DOCK10: variants seen among roughly 807,000 people sequenced by gnomAD.
DOCK10 encodes the protein dedicator of cytokinesis 10.
Under a neutral mutation model 280.1 loss-of-function variants are expected in DOCK10, and 145 were observed. The ratio of observed to expected loss-of-function variants is 0.52; its 90% CI spans 0.45 to 0.59. The LOEUF (loss-of-function observed/expected upper bound fraction) is 0.59, where lower values mean the gene tolerates loss of function less well. DOCK10 is among the 20% of genes least tolerant of loss of function. The pLI is 0.00. For missense variants in DOCK10, 2,368 were observed against 2,651.7 expected (o/e 0.89, Z 2.35); for synonymous variants, 915 against 942.2 (o/e 0.97, Z 0.53).
chr2:224,961,408 CTT>C (rs1559873054), intron 1 of DOCK10, among the ~76,000 whole-genome samples: 1 of 107,958 alleles, frequency 9.3e-6, no homozygotes, highest in Admixed American at 9.9e-5. Flanking sequence ...TTCTTTCTTT[CTT>C]TCTCTTTCTT....
intron 4 of DOCK10, among the ~76,000 whole-genome samples, chr2:224,889,955 A>G (rs575788542): frequency 1.3e-5 from 2 of 152,368 alleles, no homozygotes; most frequent in Non-Finnish European, 1.5e-5. Flanking sequence ...TGCAGAGAAC[A>G]GAAGATGAGT....
chr2:224,874,899 T>A (rs1698525964), intron 8 of DOCK10, 148 bp from the exon 9 acceptor site: 2 of 667,252 alleles, frequency 3.0e-6, no homozygotes, highest in African/African-American at 3.6e-5. Flanking sequence ...ACTCCTGAAC[T>A]CCACATTGTT....
At position 224,793,418 on chromosome 2, in the gene DOCK10, C is replaced by T. The variant is rs777581178; in HGVS notation, c.5194G>A (p.Glu1732Lys). Residue 1732 changes from glutamate (E) to lysine (K), a missense_variant, in exon 46 of 56, where the codon GAG (glutamate) becomes AAG (lysine). Glu to Lys is a moderately conservative substitution (Grantham distance 56). Around this residue, in one of 2 missense-constraint regions of DOCK10, gnomAD observed 1,159 missense variants for 1,400.8 expected, o/e 0.83. Coordinates refer to ENST00000258390, the MANE Select transcript of DOCK10 (RefSeq NM_014689.3). The part of the protein sequence containing the change: ...CYIHIAALIA[E>K]YLKRKGYWKV... Reference sequence around the variant, plus strand: ...ATCTTACCCTTTCTTTTCAGATACTCTGCAATGAGAGCAGCAATATGGATG... The same window carrying T: ...ATCTTACCCTTTCTTTTCAGATACTTTGCAATGAGAGCAGCAATATGGATG... The T allele has an allele frequency of 1.4e-5, 23 of 1,613,388 alleles. No individual in the cohort carries two copies. Among genetic ancestry groups the T allele is most frequent in the Admixed American group, 3.3e-5 (2 of 59,980 alleles).
At position 224,886,192 on chromosome 2, in the gene DOCK10, G is replaced by T; in HGVS notation, c.490-7C>A. ...ACGAGTGGGAAGTGGTATCCTGTAG[G>T]AAAGGCATAGTAGCATGACAGCCAT... On this transcript the variant is annotated splice_region_variant and splice_polypyrimidine_tract_variant and intron_variant, in intron 5 of 55. Transcript: ENST00000258390. 1 of 1,613,706 alleles carries T rather than the reference G, an allele frequency of 6.2e-7. No individual in the cohort carries two copies. The highest frequency in any genetic ancestry group is 2.2e-5 in the East Asian group (1 of 44,882).
intron 1 of DOCK10, among the ~76,000 whole-genome samples, chr2:224,988,226 T>C (rs114093287): frequency 6.6e-6 from 1 of 152,154 alleles, no homozygotes; most frequent in Non-Finnish European, 1.5e-5. Flanking sequence ...CACGGTACCC[T>C]GTAGGTTTCC....
intron 1 of DOCK10, among the ~76,000 whole-genome samples, chr2:224,956,859 A>G (rs1226267109): frequency 6.6e-6 from 1 of 152,146 alleles, no homozygotes; most frequent in African/African-American, 2.4e-5. Flanking sequence ...ATGTATACTC[A>G]GTCAGGTGGA....
At chr2:224,873,526 A>G (rs929747116) in intron 11 of DOCK10, among the ~76,000 whole-genome samples, 1 of 141,810 alleles carries the variant, frequency 7.1e-6, no homozygotes, top group Non-Finnish European at 1.5e-5. Flanking sequence ...GGCTGCACTG[A>G]GCTGAGGCTG....
At chr2:224,999,032 CAA>C (rs1216162691) in intron 1 of DOCK10, among the ~76,000 whole-genome samples, 1 of 152,076 alleles carries the variant, frequency 6.6e-6, no homozygotes, top group East Asian at 1.9e-4. Context: ...ACTAAAAATA[CAA>C]AAGTTAGCTG....
At chr2:224,962,969 A>G (rs1405597837) in intron 1 of DOCK10, among the ~76,000 whole-genome samples, 2 of 152,194 alleles carry the variant, frequency 1.3e-5, no homozygotes, top group African/African-American at 4.8e-5. Context: ...CCAGCATTTA[A>G]CAATTGGGAG....
intron 1 of DOCK10, among the ~76,000 whole-genome samples, chr2:225,041,509 C>A (rs1209841400): frequency 6.6e-6 from 1 of 152,086 alleles, no homozygotes; most frequent in Non-Finnish European, 1.5e-5. Flanking sequence ...GGACTTCCCG[C>A]GGAAATCACC....
chr2:224,858,452 A>G (rs1327297328), intron 14 of DOCK10, among the ~76,000 whole-genome samples: 1 of 151,920 alleles, frequency 6.6e-6, no homozygotes, highest in South Asian at 2.1e-4. Flanking sequence ...AGGTCAGGAG[A>G]CTCAGACCAG....
rs149209919 is a variant in DOCK10 at position 225,015,277 on chromosome 2, T to C, written c.123+26975A>G. Among the ~76,000 whole-genome samples the C allele has an allele frequency of 4.6e-5, 7 of 152,320 alleles. No individual in the cohort carries two copies. The East Asian group carries it at 1.2e-3, about 25-fold the overall frequency. On this transcript the variant is annotated intron_variant, in intron 1 of 55. Transcript: ENST00000258390. ...TGGAAGATAGTCAAAATAAATTTCA[T>C]TACTCTTAGAATAAAGCAACTTTGC... is the stretch of plus-strand genomic sequence containing the variant.
At chr2:225,001,197 T>C (rs547264930) in intron 1 of DOCK10, among the ~76,000 whole-genome samples, 15 of 152,286 alleles carry the variant, frequency 9.8e-5, no homozygotes, top group South Asian at 4.2e-4. Flanking sequence ...TATATGCATT[T>C]ATCAGTAAGT....
intron 48 of DOCK10, among the ~76,000 whole-genome samples, chr2:224,787,609 GA>G (rs1379070060): frequency 6.6e-6 from 1 of 152,142 alleles, no homozygotes; most frequent in Non-Finnish European, 1.5e-5. Context: ...TTAAATCTGT[GA>G]AATGCCTTCA....
At chr2:224,827,741 G>A (rs62186324) in intron 27 of DOCK10, among the ~76,000 whole-genome samples, 20,393 of 152,160 alleles carry the variant, frequency 0.13, 1,740 homozygotes, top group African/African-American at 0.23. Flanking sequence ...TCCCAGGTAG[G>A]AGGCTCTCAT....
Position 224,957,287 on chromosome 2 carries a change from C to A in DOCK10, c.124-25619G>T, listed in dbSNP as rs550910033. Among the ~76,000 whole-genome samples the A allele has an allele frequency of 8.8e-3, 1,257 of 143,280 alleles. 27 individuals are homozygous for A. Among genetic ancestry groups the A allele is most frequent in the Admixed American group, 0.016 (235 of 14,628 alleles). The allele number at this position is 143,280 out of a possible 152,430, so 94.0% of individuals were successfully genotyped here. A position where few individuals can be genotyped will look rare whatever the true frequency, so the allele number is the denominator to read the frequency against. On this transcript the variant is annotated intron_variant, in intron 1 of 55. Coordinates refer to ENST00000258390, the MANE Select transcript of DOCK10 (RefSeq NM_014689.3). The stretch of plus-strand genomic sequence containing the variant: ...CTAGTATTTAGTTTTTACTTTCCGC[C>A]CCCCCCCGGCTTTGTTTTTCGGAGA...
At chr2:224,885,383 C>T (rs151198071) in intron 7 of DOCK10, among the ~76,000 whole-genome samples, 2 of 152,202 alleles carry the variant, frequency 1.3e-5, no homozygotes, top group Middle Eastern at 3.2e-3. Flanking sequence ...TATTCCTTTT[C>T]AACCTCACCA....
Position 224,812,597 on chromosome 2 carries a change from C to T in DOCK10, c.3409+1723G>A, listed in dbSNP as rs1409083717. Reference sequence around the variant, plus strand: ...AAAGGGAATGCTTCCAGTTTTTGCCCATTCAGTATGATATTGGCTGTGGGT... The same window carrying T: ...AAAGGGAATGCTTCCAGTTTTTGCCTATTCAGTATGATATTGGCTGTGGGT... On this transcript the variant is annotated intron_variant, in intron 31 of 55. Coordinates refer to ENST00000258390, the MANE Select transcript of DOCK10 (RefSeq NM_014689.3). Among the ~76,000 whole-genome samples the T allele has an allele frequency of 2.6e-5, 4 of 152,274 alleles. No homozygotes were observed. In the East Asian group the frequency reaches 7.7e-4, roughly 29 times the overall value.
intron 1 of DOCK10, among the ~76,000 whole-genome samples, chr2:224,934,803 C>T (rs769239921): frequency 2.0e-5 from 3 of 152,142 alleles, no homozygotes; most frequent in Non-Finnish European, 4.4e-5. Context: ...AAGGTATGTG[C>T]CAAGATTACT....
Sources: allele counts gnomAD v4.1 joint callset (sites outside exome capture counted in the v4.1 genomes callset), GRCh38; gene constraint gnomAD v4.1.1; regional missense constraint gnomAD v4.1.1; transcripts MANE v1.5; gene names NCBI Gene and HGNC (gene_info 2026-07-23, HGNC 2026-07-21).